The following IGDCC4 variants were observed in gnomAD, a reference collection of about 807,000 sequenced individuals.
The protein encoded by IGDCC4 is likely ortholog of mouse neighbor of Punc E11.
A neutral mutation model predicts 116.6 loss-of-function variants in IGDCC4; 72 were observed. The ratio of observed to expected loss-of-function variants is 0.62; its 90% CI spans 0.51 to 0.75. IGDCC4 has a LOEUF of 0.75. Among genes scored for constraint, IGDCC4 ranks in the 30% least tolerant of loss-of-function variants. The pLI, the probability that IGDCC4 is intolerant of heterozygous loss-of-function variation, is 0.00. For synonymous variants in IGDCC4, 709 were observed against 719.9 expected, an observed-to-expected ratio of 0.98 and a Z score of 0.24; for missense variants, 1,501 against 1,662.4, an observed-to-expected ratio of 0.90 and a Z score of 1.69.
rs749143479 is a variant in IGDCC4 at position 65,396,080 on chromosome 15, C to G, written c.1081G>C (p.Glu361Gln). ...TARFVCRASG[E>Q]PRPALRWLHN... Reference sequence around the variant, plus strand: ...AGCCAGCGCAGCGCTGGCCGCGGCTCCCCCGACGCGCGGCACACGAAGCGC... The same window carrying G: ...AGCCAGCGCAGCGCTGGCCGCGGCTGCCCCGACGCGCGGCACACGAAGCGC... The change falls in exon 7 of 20, where the codon GAG (glutamate) becomes CAG (glutamine). Residue 361 changes from glutamate to glutamine, a missense_variant. Coordinates refer to ENST00000352385, the MANE Select transcript of IGDCC4 (RefSeq NM_020962.3). 7 of 1,385,084 alleles carry G rather than the reference C, an allele frequency of 5.1e-6. No individual in the cohort carries two copies. Among genetic ancestry groups the G allele is most frequent in the Non-Finnish European group, 6.5e-6 (7 of 1,077,334 alleles). The allele number at this position is 1,385,084 out of a possible 1,614,324, so 85.8% of individuals were successfully genotyped here.
intron 17 of IGDCC4, 131 bp from the exon 18 acceptor site, chr15:65,386,190 A>G (rs2091456861): frequency 3.1e-6 from 2 of 643,166 alleles, no homozygotes; most frequent in Non-Finnish European, 5.5e-6. Context: ...GGTCTGTGCA[A>G]TGAGTAAGAA....
intron 1 of IGDCC4, among the ~76,000 whole-genome samples, chr15:65,420,971 C>T (rs1393258572): frequency 1.3e-5 from 2 of 152,186 alleles, no homozygotes; most frequent in African/African-American, 4.8e-5. Flanking sequence ...AGGCACTAGG[C>T]ACAAGCTAGC....
At position 65,392,381 on chromosome 15, in the gene IGDCC4, G is replaced by C; in HGVS notation, c.1886-11C>G. On this transcript the variant is annotated splice_polypyrimidine_tract_variant and intron_variant, in intron 10 of 19. Coordinates refer to ENST00000352385, the MANE Select transcript of IGDCC4 (RefSeq NM_020962.3). ...CAGGGGCAAAAGGGACTGGGGGGCA[G>C]AGGAGCAGGATGGGAAAATTAAGGA... The C allele has an allele frequency of 6.7e-7, 1 of 1,498,484 alleles. No individual in the cohort carries two copies. Among genetic ancestry groups the C allele is most frequent in the East Asian group, 2.4e-5 (1 of 41,964 alleles). The allele number at this position is 1,498,484 out of a possible 1,614,324, so 92.8% of individuals were successfully genotyped here. A position where few individuals can be genotyped will look rare whatever the true frequency, so the allele number is the denominator to read the frequency against.
chr15:65,391,257 A>G (rs1027511920), intron 12 of IGDCC4, among the ~76,000 whole-genome samples: 1 of 152,172 alleles, frequency 6.6e-6, no homozygotes, highest in Non-Finnish European at 1.5e-5. Context: ...CCCAAGCTTC[A>G]TGGCTTCTGG....
intron 1 of IGDCC4, among the ~76,000 whole-genome samples, chr15:65,413,024 A>ATGTGTGTGTGTGTGTGTGTG (rs59690408): frequency 7.5e-5 from 11 of 145,966 alleles, no homozygotes; most frequent in African/African-American, 2.8e-4. Flanking sequence ...GTGTGAGAAA[A>ATGTGTGTGTGTGTGTGTGTG]TGTGTGTGTG....
rs2062996171 is a variant in IGDCC4, at chr15:65,402,399, C to G, written c.652G>C (p.Ala218Pro). 1 of 1,571,966 alleles carries G rather than the reference C, an allele frequency of 6.4e-7. No homozygotes were observed. The highest frequency in any genetic ancestry group is 1.3e-5 in the African/African-American group (1 of 74,130). The change falls in exon 4 of 20, where the codon GCT becomes CCT. Residue 218 changes from alanine to proline, a missense_variant. By Grantham distance (27) the Ala-to-Pro change is conservative. This residue lies in a region of IGDCC4 where 898 missense variants were observed against 978.9 expected (regional missense o/e 0.92). Transcript: ENST00000352385. ...GPYRCVATNSARQHFSQEALL... is the reference protein window; with the variant it reads ...GPYRCVATNSPRQHFSQEALL... Reference sequence around the variant, plus strand: ...GCCTCCTGGCTGAAGTGCTGGCGAGCTGAGTTGGTGGCCACGCAGCGGTAG... The same window carrying G: ...GCCTCCTGGCTGAAGTGCTGGCGAGGTGAGTTGGTGGCCACGCAGCGGTAG...
Position 65,411,287 on chromosome 15 carries a change from C to A in IGDCC4, c.154G>T (p.Ala52Ser), listed in dbSNP as rs34355056. 6.2e-7 allele frequency: 1 copy of A among 1,613,036 alleles called. No individual in the cohort carries two copies. Among genetic ancestry groups the A allele is most frequent in the Non-Finnish European group, 8.5e-7 (1 of 1,179,526 alleles). ...PLQVILGPEQ[A>S]AVLNCSLGAA... ...CCCAGGCTACAGTTTAGCACTGCAG[C>A]CTGCTCTGGGCCCAGGATCACTTGC... is the stretch of plus-strand genomic sequence containing the variant. The change falls in exon 2 of 20, where the codon GCT (alanine) becomes TCT (serine). Residue 52 changes from alanine (A) to serine (S), a missense_variant. Around this residue, in one of 3 missense-constraint regions of IGDCC4, gnomAD observed 898 missense variants for 978.9 expected, o/e 0.92. Coordinates refer to ENST00000352385, the MANE Select transcript of IGDCC4 (RefSeq NM_020962.3).
intron 16 of IGDCC4, among the ~76,000 whole-genome samples, chr15:65,388,201 G>A (rs1348959005): frequency 7.3e-5 from 11 of 150,020 alleles, no homozygotes; most frequent in South Asian, 6.3e-4. Flanking sequence ...CCGAGATTGC[G>A]CCATTGCACT....
chr15:65,401,840 TGCCCTTCCTAATCCATCACACTGG>T (rs1276295180), intron 4 of IGDCC4, among the ~76,000 whole-genome samples: 7 of 152,188 alleles, frequency 4.6e-5, no homozygotes, highest in Non-Finnish European at 1.0e-4. Context: ...CCAAAGACTG[TGCCCTTCCTAATCCATCACACTGG>T]GGCAAGAGCT....
At chr15:65,412,366 G>C (rs1416945593) in intron 1 of IGDCC4, among the ~76,000 whole-genome samples, 1 of 151,760 alleles carries the variant, frequency 6.6e-6, no homozygotes, top group Non-Finnish European at 1.5e-5. Flanking sequence ...ACAAAAATTA[G>C]CCAGGCGTGG....
rs2140184575 is a variant in IGDCC4 at position 65,383,915 on chromosome 15, A to G, written c.*94T>C. 1 of 1,229,240 alleles carries G rather than the reference A, an allele frequency of 8.1e-7. No homozygotes were observed. Among genetic ancestry groups the G allele is most frequent in the Non-Finnish European group, 1.1e-6 (1 of 904,138 alleles). The allele number at this position is 1,229,240 out of a possible 1,614,324, so 76.1% of individuals were successfully genotyped here. On this transcript the variant is annotated 3_prime_UTR_variant, in exon 20 of 20. Coordinates refer to ENST00000352385, the MANE Select transcript of IGDCC4 (RefSeq NM_020962.3). Reference sequence around the variant, plus strand: ...GAAGCTCCAAAGGGCTTGATGATGTATCTACAGGCACACATGTGGACATAC... The same window carrying G: ...GAAGCTCCAAAGGGCTTGATGATGTGTCTACAGGCACACATGTGGACATAC...
chr15:65,405,309 G>GTTTTT (rs56300756), intron 3 of IGDCC4, among the ~76,000 whole-genome samples: 3,185 of 142,414 alleles, frequency 0.022, 53 homozygotes, highest in Middle Eastern at 0.11. Flanking sequence ...TGTTAAGTGG[G>GTTTTT]TTTTTTTTTT....
chr15:65,400,312 G>A (rs1360764363), intron 5 of IGDCC4, among the ~76,000 whole-genome samples: 1 of 152,236 alleles, frequency 6.6e-6, no homozygotes, highest in Non-Finnish European at 1.5e-5. Flanking sequence ...GCCTCTCTGT[G>A]TTTTGTTCAC....
At chr15:65,385,225 G>T in intron 18 of IGDCC4, 110 bp from the exon 19 acceptor site, 1 of 1,121,820 alleles carries the variant, frequency 8.9e-7, no homozygotes, top group Non-Finnish European at 1.2e-6. Context: ...GGTCCAGACT[G>T]TCACCCGCTG....
intron 3 of IGDCC4, among the ~76,000 whole-genome samples, chr15:65,405,170 C>A (rs557616722): frequency 2.0e-5 from 3 of 149,236 alleles, no homozygotes; most frequent in Non-Finnish European, 4.4e-5. Flanking sequence ...TGAAGAAATT[C>A]TACTTTTAGA....
At chr15:65,390,363 AG>A in intron 12 of IGDCC4, 25 bp from the exon 13 acceptor site, 1 of 1,551,186 alleles carries the variant, frequency 6.4e-7, no homozygotes, top group South Asian at 1.2e-5. Context: ...CTAGAGTGTG[AG>A]GAAGGGAGGG....
At chr15:65,417,440 AC>A (rs971622339) in intron 1 of IGDCC4, among the ~76,000 whole-genome samples, 4 of 151,992 alleles carry the variant, frequency 2.6e-5, no homozygotes, top group Admixed American at 1.3e-4. Context: ...CACACAGCAA[AC>A]CATGGCCAAT....
In IGDCC4 at chr15:65,392,373, G is replaced by A; in HGVS notation, c.1886-3C>T. On this transcript the variant is annotated splice_polypyrimidine_tract_variant and splice_region_variant and intron_variant, in intron 10 of 19. Coordinates refer to ENST00000352385, the MANE Select transcript of IGDCC4 (RefSeq NM_020962.3). The stretch of plus-strand genomic sequence containing the variant: ...CAACTCTGCAGGGGCAAAAGGGACT[G>A]GGGGGCAGAGGAGCAGGATGGGAAA... 4.7e-6 allele frequency: 7 copies of A among 1,505,130 alleles called. No homozygotes were observed. The highest frequency in any genetic ancestry group is 6.2e-6 in the Non-Finnish European group (7 of 1,124,254). The allele number at this position is 1,505,130 out of a possible 1,614,324, so 93.2% of individuals were successfully genotyped here. A position where few individuals can be genotyped will look rare whatever the true frequency, so the allele number is the denominator to read the frequency against.
rs746652250 is a variant in IGDCC4, at chr15:65,388,570, A to G, written c.2724T>C (p.Ala908=). 5 of 1,614,112 alleles carry G rather than the reference A, an allele frequency of 3.1e-6. No homozygotes were observed. Among genetic ancestry groups the G allele is most frequent in the Non-Finnish European group, 3.4e-6 (4 of 1,180,026 alleles). The change falls in exon 16 of 20, where the codon GCT becomes GCC. Residue 908 remains alanine, a synonymous_variant. Transcript: ENST00000352385. ...TGTCGCTCTCCAGGCCATGGACCTC[A>G]GCACTGAAGATGTTTCCTGGGGGTG... ...LLTTQGNIFS[A]EVHGLESDTR... is the part of the protein sequence containing the mutation.
Sources: allele counts gnomAD v4.1 joint callset (sites outside exome capture counted in the v4.1 genomes callset), GRCh38; gene constraint gnomAD v4.1.1; regional missense constraint gnomAD v4.1.1; transcripts MANE v1.5; gene names NCBI Gene and HGNC (gene_info 2026-07-23, HGNC 2026-07-21).